PPP4R4: variants seen among roughly 807,000 people sequenced by gnomAD.
PPP4R4 encodes protein phosphatase 4 regulatory subunit 4.
A neutral mutation model predicts 121.8 loss-of-function variants in PPP4R4; 70 were observed. The ratio of observed to expected loss-of-function variants is 0.57; its 90% confidence interval spans 0.47 to 0.70. The LOEUF is 0.70. PPP4R4 is among the 30% of genes least tolerant of loss of function. The pLI, the probability that PPP4R4 is intolerant of heterozygous loss-of-function variation, is 0.00. For missense variants in PPP4R4, 875 were observed against 1,033.6 expected, an observed-to-expected ratio of 0.85 and a Z score of 2.10; for synonymous variants, 348 against 355.7, an observed-to-expected ratio of 0.98 and a Z score of 0.24.
intron 15 of PPP4R4, 69 bp from the exon 16 acceptor site, chr14:94,251,680 G>A: frequency 7.8e-7 from 1 of 1,283,640 alleles, no homozygotes; most frequent in Non-Finnish European, 1.1e-6. Flanking sequence ...CATTTTGTGT[G>A]TCTAACTTTG....
At chr14:94,201,181 T>C (rs543615925) in intron 2 of PPP4R4, among the ~76,000 whole-genome samples, 1 of 152,350 alleles carries the variant, frequency 6.6e-6, no homozygotes, top group East Asian at 1.9e-4. Flanking sequence ...CACTGTGGTC[T>C]CAGAGAGTAC....
At chr14:94,189,127 C>T (rs1299220351) in intron 2 of PPP4R4, among the ~76,000 whole-genome samples, 2 of 151,996 alleles carry the variant, frequency 1.3e-5, no homozygotes, top group Non-Finnish European at 2.9e-5. Flanking sequence ...TATTTAGGAA[C>T]CCATGAGAGA....
intron 7 of PPP4R4, among the ~76,000 whole-genome samples, chr14:94,237,280 A>G (rs1372405454): frequency 6.6e-6 from 1 of 152,140 alleles, no homozygotes; most frequent in East Asian, 1.9e-4. Flanking sequence ...ACTATATTAT[A>G]ATTTATAAAG....
At chr14:94,218,903 C>G (rs375678600) in intron 3 of PPP4R4, among the ~76,000 whole-genome samples, 1 of 152,108 alleles carries the variant, frequency 6.6e-6, no homozygotes, top group South Asian at 2.1e-4. Context: ...ATTAAAAGTA[C>G]TGAAAGTAAA....
chr14:94,178,008 A>G (rs1465451581), intron 2 of PPP4R4, among the ~76,000 whole-genome samples: 1 of 152,212 alleles, frequency 6.6e-6, no homozygotes. Context: ...CTTCTTTTGT[A>G]TCCCTACCAT....
At chr14:94,248,584 C>T (rs1451848977) in intron 14 of PPP4R4, among the ~76,000 whole-genome samples, 2 of 152,164 alleles carry the variant, frequency 1.3e-5, no homozygotes, top group African/African-American at 2.4e-5. Flanking sequence ...ATAGCCAGCG[C>T]AATCTTCAGC....
chr14:94,182,761 G>A (rs1426320249), intron 2 of PPP4R4, among the ~76,000 whole-genome samples: 1 of 152,102 alleles, frequency 6.6e-6, no homozygotes, highest in Non-Finnish European at 1.5e-5. Flanking sequence ...GTGAATACAT[G>A]TGTGCATTTC....
intron 3 of PPP4R4, among the ~76,000 whole-genome samples, chr14:94,213,952 C>G (rs567026355): frequency 2.0e-5 from 3 of 152,304 alleles, no homozygotes; most frequent in African/African-American, 7.2e-5. Flanking sequence ...CAACCCCCTA[C>G]CGTGTCCTTA....
At chr14:94,231,455 T>A (rs967910341) in intron 5 of PPP4R4, 140 bp downstream of exon 5, 2 of 615,648 alleles carry the variant, frequency 3.2e-6, no homozygotes, top group African/African-American at 1.8e-5. Flanking sequence ...GGAGGAAATT[T>A]GAGAAATATA....
rs1222755353 is a variant in PPP4R4 at position 94,240,666 on chromosome 14, T to C, written c.854-7T>C. On this transcript the variant is annotated splice_polypyrimidine_tract_variant and splice_region_variant and intron_variant, in intron 8 of 24. Coordinates refer to ENST00000304338, the MANE Select transcript of PPP4R4 (RefSeq NM_058237.2). ...TAAAGTATGTATTATTTTGTTTTGT[T>C]TTCCAGATGACAGAAGTCAAACTAT... 3.7e-6 allele frequency: 6 copies of C among 1,605,180 alleles called. No homozygotes were observed. The East Asian group carries it at 1.3e-4, about 36-fold the overall frequency.
At chr14:94,182,209 T>TA in intron 2 of PPP4R4, among the ~76,000 whole-genome samples, 1 of 152,314 alleles carries the variant, frequency 6.6e-6, no homozygotes, top group African/African-American at 2.4e-5. Flanking sequence ...TTTATAGATT[T>TA]AAAAAAGTAA....
chr14:94,265,422 A>C lies in PPP4R4; in HGVS notation c.2233A>C (p.Lys745Gln), dbSNP rs764510016. 1 of 1,613,440 alleles carries C rather than the reference A, an allele frequency of 6.2e-7. No individual in the cohort carries two copies. The highest frequency in any genetic ancestry group is 8.5e-7 in the Non-Finnish European group (1 of 1,179,366). ...DTKTPTQSLP[K>Q]NIPISVPGPS... ...TAAGACACCAACGCAAAGTCTGCCC[A>C]AGAACATCCCCATTTCTGTTCCTGG... Residue 745 changes from lysine (K) to glutamine (Q), a missense_variant, in exon 21 of 25, where the codon AAG becomes CAG. Physicochemically the swap from Lys to Gln is moderately conservative, Grantham distance 53. Coordinates refer to ENST00000304338, the MANE Select transcript of PPP4R4 (RefSeq NM_058237.2).
chr14:94,259,400 C>T (rs1893653026), intron 19 of PPP4R4, 31 bp downstream of exon 19: 3 of 1,527,124 alleles, frequency 2.0e-6, no homozygotes, highest in South Asian at 1.3e-5. Flanking sequence ...CACACATATA[C>T]TCTTTTCTGA....
intron 3 of PPP4R4, among the ~76,000 whole-genome samples, chr14:94,228,595 A>G (rs1208401873): frequency 2.6e-5 from 4 of 152,206 alleles, no homozygotes; most frequent in African/African-American, 7.2e-5. Flanking sequence ...TTTGCCTTCT[A>G]TCTAATTCTG....
chr14:94,178,982 G>A (rs1163563138), intron 2 of PPP4R4, among the ~76,000 whole-genome samples: 1 of 152,152 alleles, frequency 6.6e-6, no homozygotes, highest in Non-Finnish European at 1.5e-5. Flanking sequence ...CCTGAAGGCT[G>A]GCATTCAGAA....
intron 15 of PPP4R4, among the ~76,000 whole-genome samples, chr14:94,251,301 G>T (rs542868137): frequency 6.6e-6 from 1 of 152,114 alleles, no homozygotes; most frequent in East Asian, 1.9e-4. Flanking sequence ...ACACTTAGAA[G>T]TTATACAGAG....
At chr14:94,191,419 A>G (rs1187598228) in intron 2 of PPP4R4, among the ~76,000 whole-genome samples, 2 of 152,222 alleles carry the variant, frequency 1.3e-5, no homozygotes, top group Non-Finnish European at 2.9e-5. Flanking sequence ...ATATTTCAAT[A>G]CATGTATGCA....
chr14:94,249,480 A>G (rs1202178655), intron 14 of PPP4R4, among the ~76,000 whole-genome samples: 14 of 152,068 alleles, frequency 9.2e-5, no homozygotes, highest in Admixed American at 9.2e-4. Flanking sequence ...TTGTATGTAA[A>G]TCAAGATAAT....
intron 3 of PPP4R4, among the ~76,000 whole-genome samples, chr14:94,222,190 T>C (rs765109238): frequency 4.6e-5 from 7 of 152,030 alleles, no homozygotes; most frequent in Non-Finnish European, 1.0e-4. Flanking sequence ...CATCTTACAA[T>C]TTGCTTTTTC....
Sources: allele counts gnomAD v4.1 joint callset (sites outside exome capture counted in the v4.1 genomes callset), GRCh38; gene constraint gnomAD v4.1.1; transcripts MANE v1.5; gene names NCBI Gene and HGNC (gene_info 2026-07-23, HGNC 2026-07-21).